Variants in PPP3CA observed in about 807,000 individuals in gnomAD.
PPP3CA encodes the protein CAM-PRP catalytic subunit.
Under a neutral mutation model 66.5 loss-of-function variants are expected in PPP3CA, and 14 were observed. The ratio of observed to expected loss-of-function variants is 0.21; its 90% CI spans 0.14 to 0.33. The LOEUF (loss-of-function observed/expected upper bound fraction) is 0.33, where lower values mean the gene tolerates loss of function less well. Ranked by LOEUF, PPP3CA falls within the 10% of genes least tolerant of loss-of-function variation. The pLI is 1.00. For synonymous variants in PPP3CA, 232 were observed against 226.2 expected, an observed-to-expected ratio of 1.03 and a Z score of -0.23; for missense variants, 317 against 639.5, an observed-to-expected ratio of 0.50 and a Z score of 5.44.
intron 8 of PPP3CA, among the ~76,000 whole-genome samples, chr4:101,063,624 C>G (rs1728563228): frequency 6.6e-6 from 1 of 151,888 alleles, no homozygotes; most frequent in Admixed American, 6.6e-5. Context: ...CAATGTCTGT[C>G]AGGAACTGAT....
intron 10 of PPP3CA, among the ~76,000 whole-genome samples, chr4:101,041,878 A>T (rs1304008342): frequency 6.6e-6 from 1 of 152,232 alleles, no homozygotes; most frequent in East Asian, 1.9e-4. Flanking sequence ...TCAAATAATA[A>T]CAGAAATGTT....
chr4:101,148,633 A>G (rs997153702), intron 2 of PPP3CA, among the ~76,000 whole-genome samples: 6 of 152,136 alleles, frequency 3.9e-5, no homozygotes, highest in Admixed American at 2.0e-4. Flanking sequence ...AAGTAACAAG[A>G]AAGAAGCTGG....
At chr4:101,037,537 C>G (rs1242970712) in intron 11 of PPP3CA, among the ~76,000 whole-genome samples, 1 of 152,046 alleles carries the variant, frequency 6.6e-6, no homozygotes, top group Admixed American at 6.6e-5. Context: ...CTCCCCATAG[C>G]CTGGTCCAGC....
At chr4:101,148,555 T>C (rs1327854489) in intron 2 of PPP3CA, among the ~76,000 whole-genome samples, 1 of 152,196 alleles carries the variant, frequency 6.6e-6, no homozygotes, top group Non-Finnish European at 1.5e-5. Flanking sequence ...GATATACTTT[T>C]CTTAAGGCAG....
chr4:101,056,961 T>C (rs894950049), intron 10 of PPP3CA, among the ~76,000 whole-genome samples: 3 of 152,114 alleles, frequency 2.0e-5, no homozygotes, highest in South Asian at 2.1e-4. Flanking sequence ...ACCCTAACCC[T>C]AACCCTTTGA....
Position 101,295,232 on chromosome 4 carries a change from C to T in PPP3CA, c.58+51507G>A, listed in dbSNP as rs572264685. Among the ~76,000 whole-genome samples the T allele has an allele frequency of 6.5e-5, 9 of 139,362 alleles. 1 individual carries two copies. In the South Asian group the frequency reaches 1.9e-3, roughly 30 times the overall value. The allele number at this position is 139,362 out of a possible 152,430, so 91.4% of individuals were successfully genotyped here. A position where few individuals can be genotyped will look rare whatever the true frequency, so the allele number is the denominator to read the frequency against. Reference sequence around the variant, plus strand: ...AGGAGAATGGCGTGAACCCGGGAAGCGGAGCTTGCAGTGAGCCGAGATTGC... The same window carrying T: ...AGGAGAATGGCGTGAACCCGGGAAGTGGAGCTTGCAGTGAGCCGAGATTGC... On this transcript the variant is annotated intron_variant, in intron 1 of 13. Transcript: ENST00000394854.
At chr4:101,131,019 G>GGA (rs1406159665) in intron 2 of PPP3CA, among the ~76,000 whole-genome samples, 1 of 152,024 alleles carries the variant, frequency 6.6e-6, no homozygotes, top group Non-Finnish European at 1.5e-5. Context: ...CTGAGATTAG[G>GGA]GAGTTTGAAA....
chr4:101,319,784 GA>G (rs1728984512), intron 1 of PPP3CA, among the ~76,000 whole-genome samples: 1 of 152,074 alleles, frequency 6.6e-6, no homozygotes, highest in African/African-American at 2.4e-5. Context: ...CTTATATCAA[GA>G]AACCTATTTT....
intron 8 of PPP3CA, 119 bp from the exon 9 acceptor site, chr4:101,063,476 C>CACCTT: frequency 8.6e-7 from 1 of 1,161,160 alleles, no homozygotes; most frequent in Non-Finnish European, 1.2e-6. Context: ...TCCAGGCTCA[C>CACCTT]ACCTTAGGCA....
At chr4:101,027,784 A>T (rs1726728437) in intron 13 of PPP3CA, among the ~76,000 whole-genome samples, 1 of 152,186 alleles carries the variant, frequency 6.6e-6, no homozygotes, top group South Asian at 2.1e-4. Flanking sequence ...GAGTGTTAAA[A>T]ATGTAGCTAG....
At chr4:101,263,426 T>C (rs1727067259) in intron 1 of PPP3CA, among the ~76,000 whole-genome samples, 3 of 152,168 alleles carry the variant, frequency 2.0e-5, no homozygotes. Context: ...TCTCATTCAA[T>C]CTTATAATCA....
intron 2 of PPP3CA, among the ~76,000 whole-genome samples, chr4:101,194,276 A>G (rs1286725091): frequency 6.6e-6 from 1 of 152,234 alleles, no homozygotes; most frequent in East Asian, 1.9e-4. Context: ...ATATTTTGAT[A>G]AAGAAAGGTG....
intron 8 of PPP3CA, among the ~76,000 whole-genome samples, chr4:101,073,621 ATTCC>A (rs1221162953): frequency 6.6e-6 from 1 of 152,104 alleles, no homozygotes; most frequent in African/African-American, 2.4e-5. Flanking sequence ...TTTCTACTTT[ATTCC>A]TTCATATAAA....
intron 2 of PPP3CA, among the ~76,000 whole-genome samples, chr4:101,177,588 CCAAAA>C (rs1724103050): frequency 6.6e-6 from 1 of 151,910 alleles, no homozygotes; most frequent in South Asian, 2.1e-4. Context: ...TTACTTGGAA[CCAAAA>C]CAAATGTCAA....
At chr4:101,061,961 T>A (rs996117530) in intron 9 of PPP3CA, among the ~76,000 whole-genome samples, 2 of 152,056 alleles carry the variant, frequency 1.3e-5, no homozygotes, top group African/African-American at 4.8e-5. Context: ...TAAAAAAATG[T>A]CCTTCTAGAA....
intron 2 of PPP3CA, among the ~76,000 whole-genome samples, chr4:101,179,819 T>C (rs1315627485): frequency 6.6e-6 from 1 of 152,196 alleles, no homozygotes; most frequent in East Asian, 1.9e-4. Context: ...TTACAATTTT[T>C]CACATCTAAC....
chr4:101,329,028 ATG>A (rs961747851), intron 1 of PPP3CA, among the ~76,000 whole-genome samples: 4 of 125,552 alleles, frequency 3.2e-5, no homozygotes, highest in African/African-American at 2.4e-4. Context: ...AAAGTTGCAC[ATG>A]TTTCACTTTA....
intron 1 of PPP3CA, among the ~76,000 whole-genome samples, chr4:101,216,538 T>C (rs558255431): frequency 1.9e-4 from 29 of 152,022 alleles, no homozygotes; most frequent in Non-Finnish European, 5.9e-5. Context: ...AACTTTCCTT[T>C]ATTTTTTTTT....
At chr4:101,099,528 T>C (rs560050241) in intron 4 of PPP3CA, 83 bp downstream of exon 4, 2 of 684,398 alleles carry the variant, frequency 2.9e-6, no homozygotes, top group Non-Finnish European at 2.3e-6. Flanking sequence ...AGGCAATAGA[T>C]CATATTGTAT....
Sources: allele counts gnomAD v4.1 joint callset (sites outside exome capture counted in the v4.1 genomes callset), GRCh38; gene constraint gnomAD v4.1.1; transcripts MANE v1.5; gene names NCBI Gene and HGNC (gene_info 2026-07-23, HGNC 2026-07-21).